PCDHA8: variants seen among roughly 807,000 people sequenced by gnomAD.
The protein encoded by PCDHA8 is protocadherin alpha-8.
In PCDHA8, 53 loss-of-function variants were observed where a neutral mutation model predicts 61.8. The ratio of observed to expected loss-of-function variants is 0.86; its 90% CI spans 0.69 to 1.08. The LOEUF (loss-of-function observed/expected upper bound fraction) is 1.08. PCDHA8 is among the 50% of genes least tolerant of loss of function. The pLI is 0.00. For synonymous variants in PCDHA8, 618 were observed against 556.6 expected (o/e 1.11, Z -1.55); for missense variants, 1,293 against 1,245.0 (o/e 1.04, Z -0.58).
intron 1 of PCDHA8, among the ~76,000 whole-genome samples, chr5:140,941,226 T>TCTTTCTTTCTTTCTTTCTTTCTTC (rs2092915713): frequency 1.5e-5 from 2 of 135,514 alleles, no homozygotes; most frequent in Admixed American, 7.6e-5. Flanking sequence ...TTTCTTTCTT[T>TCTTTCTTTCTTTCTTTCTTTCTTC]CTTTCTTTCT....
intron 3 of PCDHA8, among the ~76,000 whole-genome samples, chr5:140,993,229 C>T (rs1396962894): frequency 6.6e-6 from 1 of 152,092 alleles, no homozygotes; most frequent in Non-Finnish European, 1.5e-5. Flanking sequence ...GGTATGTTCT[C>T]TCTGAATCTG....
chr5:140,867,114 G>T (rs567577345), intron 1 of PCDHA8: 1 of 152,168 alleles, frequency 6.6e-6, no homozygotes, highest in Admixed American at 6.5e-5. Context: ...TTAACATATT[G>T]TTTTAATTCA....
chr5:140,884,459 G>T (rs530412188), intron 1 of PCDHA8: 2 of 1,613,754 alleles, frequency 1.2e-6, no homozygotes, highest in South Asian at 2.2e-5. Flanking sequence ...CACCGAGGGC[G>T]CGTGCGCGCC....
chr5:140,881,669 T>C (rs1030695213), intron 1 of PCDHA8, among the ~76,000 whole-genome samples: 17 of 152,248 alleles, frequency 1.1e-4, no homozygotes, highest in African/African-American at 4.1e-4. Context: ...TTTATTCTTA[T>C]GTGATTGTTA....
rs781792274 is a variant in PCDHA8 at position 140,927,895 on chromosome 5, G to C, written c.2395-51054G>C. ...GCTGGTGGAGGTGACTGACGTGAAC[G>C]ATCATGCCCCCGAACTGGACTTCCT... On this transcript the variant is annotated intron_variant, in intron 1 of 3. Coordinates refer to ENST00000531613, the MANE Select transcript of PCDHA8 (RefSeq NM_018911.3). The C allele has an allele frequency of 3.7e-6, 6 of 1,614,074 alleles. No homozygotes were observed. The South Asian group carries it at 6.6e-5, about 18-fold the overall frequency.
chr5:140,850,280 C>T lies in PCDHA8; in HGVS notation c.2394+6565C>T. ...CCGGCGTAGTGGTGGGGAAGGTGCG[C>T]GCAGTGGACGCCGACTCGGGCTACA... is the stretch of plus-strand genomic sequence containing the variant. On this transcript the variant is annotated intron_variant, in intron 1 of 3. Coordinates refer to ENST00000531613, the MANE Select transcript of PCDHA8 (RefSeq NM_018911.3). The T allele has an allele frequency of 3.1e-6, 5 of 1,595,478 alleles. 1 individual carries two copies. Among genetic ancestry groups the T allele is most frequent in the Non-Finnish European group, 8.6e-7 (1 of 1,167,556 alleles).
chr5:140,853,428 C>A, intron 1 of PCDHA8: 1 of 985,626 alleles, frequency 1.0e-6, no homozygotes, highest in African/African-American at 1.8e-5. Flanking sequence ...AGAAGAGACA[C>A]TTTCCTATTT....
At chr5:140,873,255 C>T (rs1554166636) in intron 1 of PCDHA8, among the ~76,000 whole-genome samples, 1 of 152,074 alleles carries the variant, frequency 6.6e-6, no homozygotes, top group South Asian at 2.1e-4. Context: ...ATTTCAGACT[C>T]AAAAGTGATT....
At chr5:140,951,986 C>A (rs2094668313) in intron 1 of PCDHA8, among the ~76,000 whole-genome samples, 2 of 152,166 alleles carry the variant, frequency 1.3e-5, no homozygotes, top group African/African-American at 4.8e-5. Flanking sequence ...AAGGGAAAAA[C>A]CAGCCAAAAG....
intron 1 of PCDHA8, among the ~76,000 whole-genome samples, chr5:140,952,338 CA>C (rs55931446): frequency 8.7e-4 from 117 of 135,030 alleles, no homozygotes; most frequent in South Asian, 1.2e-3. Flanking sequence ...AACTCCATCT[CA>C]AAAAAAAAAA....
chr5:140,865,315 G>A (rs183867521), intron 1 of PCDHA8: 43 of 152,182 alleles, frequency 2.8e-4, no homozygotes, highest in African/African-American at 7.9e-4. Flanking sequence ...CAAATGAGAT[G>A]GCCTTTAATT....
rs1440193758 is a variant in PCDHA8 at position 140,844,281 on chromosome 5, T to C, written c.2394+566T>C. ...AGTGATAAAATACAGAATGATAGTG[T>C]TTTTCAAAATTTGATAGTTTTCATA... On this transcript the variant is annotated intron_variant, in intron 1 of 3. Coordinates refer to ENST00000531613, the MANE Select transcript of PCDHA8 (RefSeq NM_018911.3). Among the ~76,000 whole-genome samples the C allele has an allele frequency of 1.3e-5, 2 of 149,114 alleles. 1 individual carries two copies. Among genetic ancestry groups the C allele is most frequent in the Non-Finnish European group, 3.0e-5 (2 of 66,432 alleles).
At chr5:140,983,822 T>C (rs1453990514) in intron 3 of PCDHA8, among the ~76,000 whole-genome samples, 2 of 152,216 alleles carry the variant, frequency 1.3e-5, no homozygotes, top group Non-Finnish European at 2.9e-5. Flanking sequence ...TTCCCAAAAA[T>C]AATCAGATGC....
intron 1 of PCDHA8, chr5:140,928,828 C>G (rs199775949): frequency 6.2e-7 from 1 of 1,614,160 alleles, no homozygotes. Context: ...AGACCCACCA[C>G]TTTCCTCCTC....
At chr5:140,861,184 A>G in intron 1 of PCDHA8, 1 of 160,152 alleles carries the variant, frequency 6.2e-6, no homozygotes, top group Non-Finnish European at 1.4e-5. Context: ...AAGTCTTTCT[A>G]GTCATGAAAT....
chr5:141,006,206 A>AT (rs1178693799), intron 3 of PCDHA8, among the ~76,000 whole-genome samples: 16 of 147,954 alleles, frequency 1.1e-4, no homozygotes, highest in East Asian at 5.9e-4. Context: ...GTTATGCCTC[A>AT]TTTTTTTTTA....
chr5:140,881,332 C>T (rs923599590), intron 1 of PCDHA8: 7 of 984,540 alleles, frequency 7.1e-6, no homozygotes, highest in South Asian at 9.4e-5. Flanking sequence ...TTAACCAGGA[C>T]GCCGATTCGG....
At chr5:140,869,812 G>A (rs2051440753) in intron 1 of PCDHA8, 1 of 1,612,340 alleles carries the variant, frequency 6.2e-7, no homozygotes, top group East Asian at 2.2e-5. Flanking sequence ...GGATGTCAAC[G>A]ACAATGATCC....
chr5:140,887,349 G>A (rs1311370450), intron 1 of PCDHA8, among the ~76,000 whole-genome samples: 2 of 152,084 alleles, frequency 1.3e-5, no homozygotes, highest in Non-Finnish European at 2.9e-5. Flanking sequence ...ACCTGGCTCG[G>A]CCTCCCAAAG....
Sources: gnomAD v4.1 joint callset for allele counts (sites outside exome capture counted in the v4.1 genomes callset) on GRCh38, gnomAD v4.1.1 for gene constraint, MANE v1.5 for transcripts, NCBI Gene and HGNC (gene_info 2026-07-23, HGNC 2026-07-21) for gene names.